Variants in CAMK1D observed in about 807,000 individuals in gnomAD.
The protein encoded by CAMK1D is calcium/calmodulin dependent protein kinase ID.
CAMK1D carries 9 observed loss-of-function variants against 47.7 expected under a neutral mutation model. The observed-to-expected ratio is 0.19, with a 90% CI of 0.11 to 0.33. The LOEUF (loss-of-function observed/expected upper bound fraction) is 0.33, where lower values mean the gene tolerates loss of function less well. Ranked by LOEUF, CAMK1D falls within the 10% of genes least tolerant of loss-of-function variation. CAMK1D has a pLI of 1.00. For synonymous variants in CAMK1D, 184 were observed against 184.9 expected, an observed-to-expected ratio of 0.99 and a Z score of 0.04; for missense variants, 291 against 488.7, an observed-to-expected ratio of 0.60 and a Z score of 3.81.
chr10:12,716,595 T>C (rs997963161), intron 3 of CAMK1D, among the ~76,000 whole-genome samples: 3 of 152,172 alleles, frequency 2.0e-5, no homozygotes, highest in African/African-American at 7.2e-5. Context: ...CCTAGTGTTT[T>C]GCACACCCAG....
chr10:12,380,477 T>C (rs1838306580), intron 1 of CAMK1D, among the ~76,000 whole-genome samples: 1 of 152,162 alleles, frequency 6.6e-6, no homozygotes, highest in Non-Finnish European at 1.5e-5. Flanking sequence ...ATAACATAAT[T>C]GCACTTCAGT....
chr10:12,447,429 T>G (rs1832954658), intron 1 of CAMK1D, among the ~76,000 whole-genome samples: 1 of 152,182 alleles, frequency 6.6e-6, no homozygotes, highest in African/African-American at 2.4e-5. Context: ...GGGCTAGGTG[T>G]GGTGGCTCAT....
intron 1 of CAMK1D, among the ~76,000 whole-genome samples, chr10:12,452,603 TG>T (rs1486935101): frequency 6.6e-6 from 1 of 151,844 alleles, no homozygotes; most frequent in African/African-American, 2.4e-5. Context: ...TTTTTTTTTT[TG>T]AGACCGAGTC....
At chr10:12,637,647 T>G (rs1441280182) in intron 2 of CAMK1D, among the ~76,000 whole-genome samples, 2 of 151,080 alleles carry the variant, frequency 1.3e-5, no homozygotes, top group Non-Finnish European at 3.0e-5. Flanking sequence ...GGGTGGGAAG[T>G]AAGCATACAA....
chr10:12,364,782 T>C (rs1007317700), intron 1 of CAMK1D, among the ~76,000 whole-genome samples: 6 of 152,128 alleles, frequency 3.9e-5, no homozygotes, highest in Non-Finnish European at 8.8e-5. Context: ...TCCCACCTGG[T>C]CTGATTTCAA....
At chr10:12,435,215 C>CT (rs1487104792) in intron 1 of CAMK1D, among the ~76,000 whole-genome samples, 2 of 104,696 alleles carry the variant, frequency 1.9e-5, no homozygotes, top group Admixed American at 1.4e-4. Context: ...GAGTGAAACT[C>CT]TGTCTCAAAA....
intron 3 of CAMK1D, among the ~76,000 whole-genome samples, chr10:12,747,094 C>T (rs577308094): frequency 3.3e-5 from 5 of 151,976 alleles, no homozygotes; most frequent in Non-Finnish European, 5.9e-5. Context: ...TGCAGTGGCA[C>T]GATCTCGGCT....
chr10:12,682,661 G>A (rs1588782003), intron 3 of CAMK1D, among the ~76,000 whole-genome samples: 2 of 152,126 alleles, frequency 1.3e-5, no homozygotes, highest in South Asian at 2.1e-4. Context: ...TTAAAACTTA[G>A]TAATCATCAA....
Position 12,389,345 on chromosome 10 carries a change from C to T in CAMK1D, c.92+39435C>T, listed in dbSNP as rs2801494. On this transcript the variant is annotated intron_variant, in intron 1 of 10. Coordinates refer to ENST00000619168, the MANE Select transcript of CAMK1D (RefSeq NM_153498.4). Reference sequence around the variant, plus strand: ...TGCTCTTGGGACAGGCTCTTTGGGACATCAAGGATTCTGGGACCATCCCGA... The same window carrying T: ...TGCTCTTGGGACAGGCTCTTTGGGATATCAAGGATTCTGGGACCATCCCGA... Among the ~76,000 whole-genome samples, 1,303 of 152,188 alleles carry T rather than the reference C, an allele frequency of 8.6e-3. 17 individuals are homozygous for T. The highest frequency in any genetic ancestry group is 0.03 in the African/African-American group (1,226 of 41,508).
intron 10 of CAMK1D, among the ~76,000 whole-genome samples, chr10:12,828,502 G>A (rs111912359): frequency 0.033 from 4,992 of 152,188 alleles, 106 homozygotes; most frequent in Non-Finnish European, 0.049. Flanking sequence ...TTAGCCCGGC[G>A]TGGTGGTGAG....
intron 3 of CAMK1D, among the ~76,000 whole-genome samples, chr10:12,693,932 CAT>C (rs1209296905): frequency 1.0e-4 from 8 of 78,036 alleles, no homozygotes; most frequent in Admixed American, 2.2e-4. Context: ...ATATATATAA[CAT>C]ATATAAAATA....
intron 5 of CAMK1D, among the ~76,000 whole-genome samples, chr10:12,772,501 G>A (rs1250354462): frequency 1.3e-5 from 2 of 152,130 alleles, no homozygotes; most frequent in Non-Finnish European, 2.9e-5. Context: ...CTCATGTTTG[G>A]CTGGAAAGCT....
At chr10:12,810,500 C>G (rs892659206) in intron 6 of CAMK1D, among the ~76,000 whole-genome samples, 2 of 152,162 alleles carry the variant, frequency 1.3e-5, no homozygotes, top group African/African-American at 4.8e-5. Flanking sequence ...GTCTCGAACT[C>G]CTGACCTCAG....
chr10:12,494,639 A>G (rs2132126938), intron 1 of CAMK1D, among the ~76,000 whole-genome samples: 1 of 152,266 alleles, frequency 6.6e-6, no homozygotes, highest in African/African-American at 2.4e-5. Flanking sequence ...ATCTTGGCTC[A>G]CTGCAACCTC....
In CAMK1D at chr10:12,654,832, G is replaced by T. The variant is rs531123164; in HGVS notation, c.225-11904G>T. On this transcript the variant is annotated intron_variant, in intron 2 of 10. Coordinates refer to ENST00000619168, the MANE Select transcript of CAMK1D (RefSeq NM_153498.4). ...TATCTAAAGTTGAACCCTTTCCCATGACCTAAGATTCTCAGTAATTTAGTA... is the reference window on the plus strand; with the variant it reads ...TATCTAAAGTTGAACCCTTTCCCATTACCTAAGATTCTCAGTAATTTAGTA... Among the ~76,000 whole-genome samples, 4 of 152,252 alleles carry T rather than the reference G, an allele frequency of 2.6e-5. No individual in the cohort carries two copies. The South Asian group carries it at 8.3e-4, about 32-fold the overall frequency.
At chr10:12,696,366 G>A (rs1376867816) in intron 3 of CAMK1D, among the ~76,000 whole-genome samples, 1 of 152,008 alleles carries the variant, frequency 6.6e-6, no homozygotes, top group South Asian at 2.1e-4. Flanking sequence ...GCGAAACCCC[G>A]TCTCTACTAA....
At chr10:12,766,084 G>C (rs1836743672) in intron 4 of CAMK1D, among the ~76,000 whole-genome samples, 1 of 148,922 alleles carries the variant, frequency 6.7e-6, no homozygotes, top group African/African-American at 2.5e-5. Context: ...TCCTGCCTCA[G>C]CCTCCCTAGT....
intron 1 of CAMK1D, among the ~76,000 whole-genome samples, chr10:12,491,972 A>T (rs1834397520): frequency 2.0e-5 from 3 of 152,028 alleles, no homozygotes; most frequent in African/African-American, 7.3e-5. Flanking sequence ...TTTAGTAGAG[A>T]TGGGGTTTCA....
chr10:12,788,148 A>G (rs1413447261), intron 5 of CAMK1D, among the ~76,000 whole-genome samples: 2 of 152,004 alleles, frequency 1.3e-5, no homozygotes, highest in Non-Finnish European at 2.9e-5. Flanking sequence ...CCCCATAACA[A>G]CCATGCTGTT....
Sources: gnomAD v4.1 joint callset for allele counts (sites outside exome capture counted in the v4.1 genomes callset) on GRCh38, gnomAD v4.1.1 for gene constraint, MANE v1.5 for transcripts, NCBI Gene and HGNC (gene_info 2026-07-23, HGNC 2026-07-21) for gene names.